The following DNAH8 variants were observed in gnomAD, a reference collection of about 807,000 sequenced individuals.
DNAH8 encodes the protein dynein axonemal heavy chain 8, also known as axonemal beta dynein heavy chain 8.
DNAH8 carries 382 observed loss-of-function variants against 562.1 expected under a neutral mutation model. The observed-to-expected ratio is 0.68, with a 90% CI of 0.63 to 0.74. The LOEUF is 0.74. DNAH8 is among the 30% of genes least tolerant of loss of function. DNAH8 has a pLI of 0.00. For synonymous variants in DNAH8, 1,881 were observed against 1,919.4 expected (o/e 0.98, Z 0.52); for missense variants, 5,203 against 5,620.4 (o/e 0.93, Z 2.37).
chr6:38,840,248 A>G (rs185322248), intron 33 of DNAH8, among the ~76,000 whole-genome samples: 100 of 152,338 alleles, frequency 6.6e-4, no homozygotes, highest in African/African-American at 2.4e-3. Flanking sequence ...TCGGACAGTC[A>G]TCATTTTTTT....
At chr6:38,851,039 G>C (rs988436698) in intron 38 of DNAH8, among the ~76,000 whole-genome samples, 1 of 152,160 alleles carries the variant, frequency 6.6e-6, no homozygotes, top group African/African-American at 2.4e-5. Context: ...TGCACTAAGA[G>C]AACAACTCAC....
At chr6:38,811,045 T>C (rs1423231110) in intron 24 of DNAH8, among the ~76,000 whole-genome samples, 1 of 152,248 alleles carries the variant, frequency 6.6e-6, no homozygotes, top group Non-Finnish European at 1.5e-5. Context: ...TAATCCTTAA[T>C]GTTTCTGCAG....
chr6:38,943,787 T>C (rs989160432), intron 79 of DNAH8, among the ~76,000 whole-genome samples: 1 of 151,942 alleles, frequency 6.6e-6, no homozygotes, highest in Non-Finnish European at 1.5e-5. Context: ...AGAAAGAATG[T>C]CAGAACAAGA....
In DNAH8 at chr6:39,030,129, TA is replaced by T; in HGVS notation, c.13862del (p.Tyr4621SerfsTer58). On this transcript the variant is annotated frameshift_variant, in exon 93 of 93. Coordinates refer to ENST00000327475, the MANE Select transcript of DNAH8 (RefSeq NM_001206927.2). LOFTEE classifies it high-confidence loss of function. ...PGEGVYIYGL[Y>X]MDGAAWDRRN... ...GGAAGGTGTGTATATTTATGGGCTC[TA>T]CATGGATGGAGCAGCCTGGGACAGA... 6.2e-7 allele frequency: 1 copy of T among 1,614,020 alleles called. No homozygotes were observed. The highest frequency in any genetic ancestry group is 1.1e-5 in the South Asian group (1 of 91,080).
chr6:38,998,627 T>C lies in DNAH8; in HGVS notation c.13214+8455T>C, dbSNP rs115880764. 3.6e-3 allele frequency among the ~76,000 whole-genome samples: 542 copies of C among 152,348 alleles called. 4 individuals are homozygous for C. Among genetic ancestry groups the C allele is most frequent in the African/African-American group, 0.012 (502 of 41,594 alleles). On this transcript the variant is annotated intron_variant, in intron 88 of 92. Coordinates refer to ENST00000327475, the MANE Select transcript of DNAH8 (RefSeq NM_001206927.2). ...AAAGACGTATGTAAATCTAGACTGA[T>C]TTGGATATTATGGTGCACTAATATC...
rs193173047 is a variant in DNAH8 at position 38,867,194 on chromosome 6, A to G, written c.6693+318A>G. Among the ~76,000 whole-genome samples the G allele has an allele frequency of 2.4e-3, 364 of 151,730 alleles. 3 individuals carry two copies. Among genetic ancestry groups the G allele is most frequent in the Admixed American group, 8.2e-3 (124 of 15,198 alleles). On this transcript the variant is annotated intron_variant, in intron 47 of 92. Transcript: ENST00000327475. ...GACACTGAAGCAGTCCACAGAGTTTAAGGTTTCATCAGTTATACATGCACT... is the reference window on the plus strand; with the variant it reads ...GACACTGAAGCAGTCCACAGAGTTTGAGGTTTCATCAGTTATACATGCACT...
At chr6:38,982,221 T>C (rs1447765910) in intron 85 of DNAH8, 125 bp from the exon 86 acceptor site, 2 of 634,574 alleles carry the variant, frequency 3.2e-6, no homozygotes, top group Non-Finnish European at 5.8e-6. Context: ...CAAAATTGTA[T>C]ATACTATTCT....
chr6:38,887,050 A>T (rs1778983423), intron 57 of DNAH8, 46 bp downstream of exon 57: 1 of 1,359,648 alleles, frequency 7.4e-7, no homozygotes, highest in Non-Finnish European at 1.0e-6. Flanking sequence ...CATAATGGAC[A>T]TAAACCACAC....
chr6:38,725,856 T>C (rs1763177923), intron 3 of DNAH8, among the ~76,000 whole-genome samples: 1 of 152,236 alleles, frequency 6.6e-6, no homozygotes, highest in Non-Finnish European at 1.5e-5. Flanking sequence ...GTCCTGACTG[T>C]GGACAATGCC....
intron 74 of DNAH8, chr6:38,928,124 A>C (rs905631483): frequency 6.6e-6 from 1 of 152,216 alleles, no homozygotes; most frequent in African/African-American, 2.4e-5. Context: ...AAGTCTCCCT[A>C]TCAGGAATTC....
intron 22 of DNAH8, among the ~76,000 whole-genome samples, chr6:38,803,593 A>G (rs1583047157): frequency 9.8e-6 from 1 of 102,486 alleles, no homozygotes; most frequent in African/African-American, 3.9e-5. Context: ...CTGCTATGCT[A>G]ACTCTATTTT....
intron 22 of DNAH8, among the ~76,000 whole-genome samples, chr6:38,804,459 T>G (rs754552790): frequency 1.3e-4 from 20 of 152,208 alleles, no homozygotes; most frequent in Non-Finnish European, 2.5e-4. Context: ...GGGATGTGCC[T>G]GTCAGTCACG....
At position 38,982,479 on chromosome 6, in the gene DNAH8, C is replaced by A. The variant is rs968944743; in HGVS notation, c.12951+17C>A. The A allele has an allele frequency of 1.6e-6, 2 of 1,225,490 alleles. No homozygotes were observed. Among genetic ancestry groups the A allele is most frequent in the Middle Eastern group, 1.9e-4 (1 of 5,328 alleles). The allele number at this position is 1,225,490 out of a possible 1,614,324, so 75.9% of individuals were successfully genotyped here. ...ATTAAGAAAGTGAGTGAAATTATGC[C>A]TTTTTTCCTGTTTTTATTGCTCTTC... On this transcript the variant is annotated intron_variant, in intron 86 of 92. Transcript: ENST00000327475.
In DNAH8 at chr6:38,917,924, G is replaced by A. The variant is rs201009563; in HGVS notation, c.10309-1G>A. On this transcript the variant is annotated splice_acceptor_variant, in intron 69 of 92. Coordinates refer to ENST00000327475, the MANE Select transcript of DNAH8 (RefSeq NM_001206927.2). LOFTEE classifies it high-confidence loss of function. ...TTACAGGTTATAATACTATTTTTCA[G>A]TTGATGAGTGCAACAGGATTCCTGT... 4.4e-6 allele frequency: 7 copies of A among 1,604,568 alleles called. No individual in the cohort carries two copies. Among genetic ancestry groups the A allele is most frequent in the Admixed American group, 1.7e-5 (1 of 58,908 alleles).
chr6:38,786,856 T>G lies in DNAH8; in HGVS notation c.2487T>G (p.Thr829=). The change falls in exon 18 of 93, where the codon ACT becomes ACG. Residue 829 remains threonine, a synonymous_variant. Transcript: ENST00000327475. The stretch of plus-strand genomic sequence containing the variant: ...AAATTTTGGAAGTTGTTCGGGAAAC[T>G]AAGTGTATGATAAAAATGAAGTTGG... ...DPKILEVVRE[T]KCMIKMKLDV... is the part of the protein sequence containing the mutation. The G allele has an allele frequency of 6.2e-7, 1 of 1,613,364 alleles. No individual in the cohort carries two copies. Among genetic ancestry groups the G allele is most frequent in the Non-Finnish European group, 8.5e-7 (1 of 1,179,614 alleles).
At chr6:38,872,231 TATA>T (rs1777525783) in intron 49 of DNAH8, among the ~76,000 whole-genome samples, 1 of 152,186 alleles carries the variant, frequency 6.6e-6, no homozygotes, top group South Asian at 2.1e-4. Flanking sequence ...AACTGCTGGT[TATA>T]GACCAACAAG....
rs954540376 is a variant in DNAH8, at chr6:38,723,120, C to A, written c.311C>A (p.Pro104Gln). 11 of 1,612,808 alleles carry A rather than the reference C, an allele frequency of 6.8e-6. No individual in the cohort carries two copies. Among genetic ancestry groups the A allele is most frequent in the Non-Finnish European group, 9.3e-6 (11 of 1,179,882 alleles). ...QSVISEVLSL[P>Q]SSRRSSRYRR... ...GTGATTTCGGAAGTGCTGTCCTTGC[C>A]GTCTTCCCGGAGGTCCTCCAGATAC... The change falls in exon 2 of 93, where the codon CCG becomes CAG. Residue 104 changes from proline to glutamine, a missense_variant. By Grantham distance (76) the Pro-to-Gln change is moderately conservative (BLOSUM62 -1). This residue lies in a region of DNAH8 where 556 missense variants were observed against 496.9 expected (regional missense o/e 1.12). Transcript: ENST00000327475.
intron 88 of DNAH8, among the ~76,000 whole-genome samples, chr6:38,990,669 G>A (rs556491691): frequency 4.8e-4 from 73 of 152,284 alleles, no homozygotes; most frequent in African/African-American, 1.7e-3. Context: ...ACTGCCTGTG[G>A]TGGGTGCAGT....
chr6:38,923,237 ACATAAAGTCCATTTC>A (rs759894511), intron 72 of DNAH8, 52 bp downstream of exon 72: 3 of 1,600,144 alleles, frequency 1.9e-6, no homozygotes, highest in Non-Finnish European at 2.6e-6. Context: ...ACATTAGAGA[ACATAAAGTCCATTTC>A]CATGTGTTCA....
Sources: gnomAD v4.1 joint callset for allele counts (sites outside exome capture counted in the v4.1 genomes callset) on GRCh38, gnomAD v4.1.1 for gene constraint, gnomAD v4.1.1 regional missense constraint, MANE v1.5 for transcripts, NCBI Gene and HGNC (gene_info 2026-07-23, HGNC 2026-07-21) for gene names.